Variants in PDS5B observed in about 807,000 individuals in gnomAD.
PDS5B encodes the protein sister chromatid cohesion protein PDS5 homolog B.
PDS5B carries 51 observed loss-of-function variants against 184.1 expected under a neutral mutation model. That is an observed-to-expected ratio of 0.28 (90% CI 0.22 to 0.35). The LOEUF (loss-of-function observed/expected upper bound fraction) is 0.35, where lower values mean the gene tolerates loss of function less well. Among genes scored for constraint, PDS5B ranks in the 10% least tolerant of loss-of-function variants. PDS5B has a pLI of 1.00. For synonymous variants in PDS5B, 566 were observed against 569.2 expected (o/e 0.99, Z 0.08); for missense variants, 1,180 against 1,723.3 (o/e 0.68, Z 5.58).
chr13:32,636,184 A>T (rs2140598278), intron 1 of PDS5B, among the ~76,000 whole-genome samples: 1 of 152,332 alleles, frequency 6.6e-6, no homozygotes. Flanking sequence ...ACTGTATGCG[A>T]GTTCGTCAGC....
intron 25 of PDS5B, among the ~76,000 whole-genome samples, chr13:32,753,921 G>A (rs562151483): frequency 1.3e-5 from 2 of 152,160 alleles, no homozygotes; most frequent in Admixed American, 6.5e-5. Context: ...AGGTGTTTGC[G>A]TGCCTACTTT....
At chr13:32,609,622 G>C (rs943722098) in intron 1 of PDS5B, among the ~76,000 whole-genome samples, 1 of 152,190 alleles carries the variant, frequency 6.6e-6, no homozygotes, top group African/African-American at 2.4e-5. Flanking sequence ...CATGGAAATA[G>C]TAAGTGGTGT....
At chr13:32,704,175 CT>C (rs764820960) in intron 17 of PDS5B, among the ~76,000 whole-genome samples, 277 of 143,788 alleles carry the variant, frequency 1.9e-3, no homozygotes, top group Non-Finnish European at 2.0e-3. Context: ...GAGACTTAGT[CT>C]TTTTTTTTTT....
chr13:32,590,315 A>G (rs1238023200), intron 1 of PDS5B, among the ~76,000 whole-genome samples: 2 of 152,240 alleles, frequency 1.3e-5, no homozygotes, highest in Non-Finnish European at 2.9e-5. Context: ...ATGAACAGGT[A>G]CAAAACTTCC....
chr13:32,613,723 A>G (rs1402611869), intron 1 of PDS5B, among the ~76,000 whole-genome samples: 1 of 152,198 alleles, frequency 6.6e-6, no homozygotes, highest in Non-Finnish European at 1.5e-5. Flanking sequence ...CTGAAGCACA[A>G]AAGTTGTAAG....
In PDS5B at chr13:32,776,086, A is replaced by G. The variant is rs940843672; in HGVS notation, c.*1034A>G. 5.8e-5 allele frequency: 9 copies of G among 154,436 alleles called. No individual in the cohort carries two copies. The Admixed American group carries it at 5.8e-4, about 10-fold the overall frequency. The allele number at this position is 154,436 out of a possible 1,614,324, so 9.6% of individuals were successfully genotyped here. A position where few individuals can be genotyped will look rare whatever the true frequency, so the allele number is the denominator to read the frequency against. ...AATTTTATTGATGCAGTGTGTCTTT[A>G]TAAAGCTGTTCTTGAAAGCCAAGTG... On this transcript the variant is annotated 3_prime_UTR_variant, in exon 35 of 35. Transcript: ENST00000315596.
At chr13:32,752,832 A>G (rs1454967405) in intron 24 of PDS5B, among the ~76,000 whole-genome samples, 1 of 152,068 alleles carries the variant, frequency 6.6e-6, no homozygotes, top group Admixed American at 6.5e-5. Context: ...TGTGCTTTTT[A>G]TTTCTTTATT....
intron 2 of PDS5B, among the ~76,000 whole-genome samples, chr13:32,650,852 G>T (rs1950350280): frequency 6.6e-6 from 1 of 152,188 alleles, no homozygotes; most frequent in African/African-American, 2.4e-5. Context: ...AGTGGAAATC[G>T]TTGCAGCATA....
Position 32,663,059 on chromosome 13 carries a change from G to A in PDS5B, c.624+3779G>A, listed in dbSNP as rs373172546. Among the ~76,000 whole-genome samples, 55 of 152,144 alleles carry A rather than the reference G, an allele frequency of 3.6e-4. 2 individuals are homozygous for A. In the East Asian group the frequency reaches 6.2e-3, roughly 17 times the overall value. On this transcript the variant is annotated intron_variant, in intron 6 of 34. Transcript: ENST00000315596. The stretch of plus-strand genomic sequence containing the variant: ...AAATAGCCTATAACCAATACATTTA[G>A]TTGGTTTTAAAAACTCTGCCTATAA...
chr13:32,608,081 G>A (rs182466618), intron 1 of PDS5B, among the ~76,000 whole-genome samples: 2 of 152,154 alleles, frequency 1.3e-5, no homozygotes, highest in African/African-American at 2.4e-5. Flanking sequence ...AGATGAACCC[G>A]GTACCTCAGT....
At chr13:32,594,409 TACTC>T (rs1184974140) in intron 1 of PDS5B, among the ~76,000 whole-genome samples, 3 of 152,152 alleles carry the variant, frequency 2.0e-5, no homozygotes, top group Non-Finnish European at 2.9e-5. Context: ...AGATGAAAGA[TACTC>T]AATCAAGAGA....
At chr13:32,692,195 G>A (rs1483592282) in intron 13 of PDS5B, among the ~76,000 whole-genome samples, 1 of 151,924 alleles carries the variant, frequency 6.6e-6, no homozygotes, top group Non-Finnish European at 1.5e-5. Flanking sequence ...TTTCTTTGGG[G>A]AAGACAAAGT....
intron 17 of PDS5B, 38 bp downstream of exon 17, chr13:32,701,476 C>A: frequency 8.2e-7 from 1 of 1,218,512 alleles, no homozygotes; most frequent in South Asian, 1.3e-5. Flanking sequence ...CATTGCTGTT[C>A]ATTAATGTGT....
intron 6 of PDS5B, among the ~76,000 whole-genome samples, chr13:32,662,198 T>G (rs1430410951): frequency 6.6e-6 from 1 of 152,144 alleles, no homozygotes; most frequent in Non-Finnish European, 1.5e-5. Flanking sequence ...TTAGACATAG[T>G]AGTCTTTAAT....
intron 10 of PDS5B, among the ~76,000 whole-genome samples, chr13:32,680,889 T>C (rs1319794210): frequency 6.6e-6 from 1 of 152,234 alleles, no homozygotes; most frequent in Non-Finnish European, 1.5e-5. Flanking sequence ...TTTTCAGTTA[T>C]TAAGTAAAAC....
intron 30 of PDS5B, among the ~76,000 whole-genome samples, chr13:32,762,558 A>G (rs1954443262): frequency 1.3e-5 from 2 of 152,148 alleles, no homozygotes; most frequent in Admixed American, 6.5e-5. Flanking sequence ...ATGACCAGAA[A>G]CATTTCCATC....
chr13:32,619,352 G>A (rs1162614952), intron 1 of PDS5B, among the ~76,000 whole-genome samples: 3 of 152,102 alleles, frequency 2.0e-5, no homozygotes, highest in Admixed American at 1.3e-4. Flanking sequence ...TTGCTCCTAG[G>A]CCACAAATCT....
chr13:32,653,321 A>G (rs73448641), intron 3 of PDS5B, among the ~76,000 whole-genome samples: 1,619 of 152,252 alleles, frequency 0.011, 38 homozygotes, highest in African/African-American at 0.036. Context: ...TGTGGAAACT[A>G]TGGGTTAGAG....
chr13:32,652,891 C>T (rs533109363), intron 3 of PDS5B, among the ~76,000 whole-genome samples: 8 of 152,056 alleles, frequency 5.3e-5, no homozygotes, highest in South Asian at 2.1e-4. Flanking sequence ...GGGAATAGCA[C>T]GAGTAATCTT....
Sources: gnomAD v4.1 joint callset for allele counts (sites outside exome capture counted in the v4.1 genomes callset) on GRCh38, gnomAD v4.1.1 for gene constraint, MANE v1.5 for transcripts, NCBI Gene and HGNC (gene_info 2026-07-23, HGNC 2026-07-21) for gene names.